Variants in CFAP77 observed in about 807,000 individuals in gnomAD.
CFAP77 encodes cilia and flagella associated protein 77, also known as cilia- and flagella-associated protein 77.
A neutral mutation model predicts 31.1 loss-of-function variants in CFAP77; 25 were observed. The observed-to-expected ratio is 0.80, with a 90% confidence interval of 0.59 to 1.12. The LOEUF is 1.12. CFAP77 is among the 50% of genes most tolerant of loss of function. CFAP77 has a pLI of 0.00. For missense variants in CFAP77, 377 were observed against 397.3 expected, an observed-to-expected ratio of 0.95 and a Z score of 0.44; for synonymous variants, 151 against 159.9, an observed-to-expected ratio of 0.94 and a Z score of 0.42.
chr9:132,519,620 T>TGGATGGG (rs1852225802), intron 3 of CFAP77, among the ~76,000 whole-genome samples: 54 of 24,934 alleles, frequency 2.2e-3, no homozygotes, highest in African/African-American at 8.8e-3. Context: ...GGATGGATGG[T>TGGATGGG]TGGGTGGGTA....
At chr9:132,506,019 T>C (rs1425279140) in intron 3 of CFAP77, among the ~76,000 whole-genome samples, 1 of 152,210 alleles carries the variant, frequency 6.6e-6, no homozygotes, top group Non-Finnish European at 1.5e-5. Flanking sequence ...ACAGGTATCA[T>C]TCTGCACACT....
chr9:132,513,677 C>T (rs1852082940), intron 3 of CFAP77, among the ~76,000 whole-genome samples: 1 of 152,194 alleles, frequency 6.6e-6, no homozygotes, highest in South Asian at 2.1e-4. Flanking sequence ...CTCTCTACTG[C>T]TAAGGTGTTT....
chr9:132,483,792 G>A (rs536032319), intron 1 of CFAP77, among the ~76,000 whole-genome samples: 3 of 152,220 alleles, frequency 2.0e-5, no homozygotes, highest in South Asian at 4.2e-4. Flanking sequence ...ACTGAGCCAC[G>A]TTTTCAAAGC....
At chr9:132,546,753 C>T (rs1554750210) in intron 5 of CFAP77, among the ~76,000 whole-genome samples, 1 of 152,242 alleles carries the variant, frequency 6.6e-6, no homozygotes, top group Non-Finnish European at 1.5e-5. Flanking sequence ...AGCAACTGCC[C>T]CTGGTGGCTG....
intron 3 of CFAP77, among the ~76,000 whole-genome samples, chr9:132,530,477 G>A (rs1852423242): frequency 6.6e-6 from 1 of 152,146 alleles, no homozygotes; most frequent in Non-Finnish European, 1.5e-5. Context: ...GTTTCACCAT[G>A]TTGGCCAGGC....
chr9:132,432,878 T>C (rs946924402), intron 1 of CFAP77, among the ~76,000 whole-genome samples: 1 of 139,624 alleles, frequency 7.2e-6, no homozygotes, highest in African/African-American at 2.7e-5. Flanking sequence ...CACGCCCAGC[T>C]AATTTTTTTT....
chr9:132,447,594 G>A (rs1244636636), intron 1 of CFAP77, among the ~76,000 whole-genome samples: 1 of 152,212 alleles, frequency 6.6e-6, no homozygotes, highest in Admixed American at 6.5e-5. Context: ...GGCTGCGGTC[G>A]GTCCGCGTAG....
Position 132,498,579 on chromosome 9 carries a change from G to C in CFAP77, c.196-116G>C, listed in dbSNP as rs1794072946. The stretch of plus-strand genomic sequence containing the variant: ...CACCCACTCCTGTGCCACCCTGAAG[G>C]CCACGGCAGGGCCTGGGGGAAATGC... On this transcript the variant is annotated intron_variant, in intron 1 of 5. Coordinates refer to ENST00000393216, the MANE Select transcript of CFAP77 (RefSeq NM_001282957.2). The surrounding 1 kb of genome is among the most constrained non-coding windows in gnomAD (Gnocchi z 4.2). 2.6e-6 allele frequency: 2 copies of C among 774,068 alleles called. No individual in the cohort carries two copies. The highest frequency in any genetic ancestry group is 3.4e-5 in the South Asian group (2 of 59,660). 47.9% of individuals were successfully genotyped at this position (774,068 alleles called of 1,614,324 possible). A position where few individuals can be genotyped will look rare whatever the true frequency, so the allele number is the denominator to read the frequency against.
At position 132,501,945 on chromosome 9, in the gene CFAP77, A is replaced by G. The variant is rs1229950209; in HGVS notation, c.524+2345A>G. Among the ~76,000 whole-genome samples the G allele has an allele frequency of 6.6e-6, 1 of 152,234 alleles. No homozygotes were observed. The highest frequency in any genetic ancestry group is 6.5e-5 in the Admixed American group (1 of 15,284). On this transcript the variant is annotated intron_variant, in intron 3 of 5. Transcript: ENST00000393216. This position sits in a 1 kb window ranked among gnomAD's most constrained non-coding sequence, Gnocchi z 4.6. ...GGAGGGGAATGGACATCAGGCAGGC[A>G]GTAGGACTTCCCAGCCCTTTCTACC...
chr9:132,433,660 G>T (rs1850452485), intron 1 of CFAP77, among the ~76,000 whole-genome samples: 2 of 151,546 alleles, frequency 1.3e-5, no homozygotes, highest in Non-Finnish European at 1.5e-5. Context: ...CAGTTCTTCT[G>T]CCTCAGCCTC....
At chr9:132,485,476 C>A (rs1456102235) in intron 1 of CFAP77, among the ~76,000 whole-genome samples, 2 of 152,152 alleles carry the variant, frequency 1.3e-5, no homozygotes, top group Non-Finnish European at 2.9e-5. Flanking sequence ...CCCAATCATG[C>A]GCCAAATGGT....
At chr9:132,429,480 G>C (rs1263329800) in intron 1 of CFAP77, among the ~76,000 whole-genome samples, 4 of 139,598 alleles carry the variant, frequency 2.9e-5, no homozygotes. Context: ...GGAGGTTGTA[G>C]TGAGCCAAGA....
chr9:132,490,970 GGT>G lies in CFAP77; in HGVS notation c.196-7720_196-7719del, dbSNP rs1344113130. On this transcript the variant is annotated intron_variant, in intron 1 of 5. Transcript: ENST00000393216. The surrounding 1 kb of genome is among the most constrained non-coding windows in gnomAD (Gnocchi z 4.6). ...CAGAGATGTGCACATTAGGTGAACT[GGT>G]GTGTCTAATGGTCCCAGTGTGAGTG... 6.6e-6 allele frequency among the ~76,000 whole-genome samples: 1 copy of G among 152,058 alleles called. No homozygotes were observed. Among genetic ancestry groups the G allele is most frequent in the Non-Finnish European group, 1.5e-5 (1 of 68,016 alleles).
intron 1 of CFAP77, among the ~76,000 whole-genome samples, chr9:132,464,041 C>T (rs72765887): frequency 0.062 from 9,420 of 152,252 alleles, 325 homozygotes; most frequent in Middle Eastern, 0.11. Flanking sequence ...TCCCTCATTC[C>T]GCATCACAAC....
Position 132,498,877 on chromosome 9 carries a change from C to G in CFAP77, c.295+83C>G. 2 of 997,116 alleles carry G rather than the reference C, an allele frequency of 2.0e-6. No homozygotes were observed. Among genetic ancestry groups the G allele is most frequent in the South Asian group, 3.0e-5 (2 of 67,082 alleles). The allele number at this position is 997,116 out of a possible 1,614,324, so 61.8% of individuals were successfully genotyped here. A position where few individuals can be genotyped will look rare whatever the true frequency, so the allele number is the denominator to read the frequency against. ...TTCACAGACCCCTTGACCTAGCTCGCTGCTTGGCAGCTGGTTGGGTGCTGG... is the reference window on the plus strand; with the variant it reads ...TTCACAGACCCCTTGACCTAGCTCGGTGCTTGGCAGCTGGTTGGGTGCTGG... On this transcript the variant is annotated intron_variant, in intron 2 of 5. Transcript: ENST00000393216. The surrounding 1 kb of genome is among the most constrained non-coding windows in gnomAD (Gnocchi z 4.2).
chr9:132,419,231 G>C (rs1850165534), intron 1 of CFAP77, among the ~76,000 whole-genome samples: 3 of 152,170 alleles, frequency 2.0e-5, no homozygotes, highest in Non-Finnish European at 2.9e-5. Flanking sequence ...AAGCATACAA[G>C]ATAAATTTCT....
chr9:132,524,990 A>G (rs1273493079), intron 3 of CFAP77, among the ~76,000 whole-genome samples: 1 of 143,472 alleles, frequency 7.0e-6, no homozygotes, highest in Non-Finnish European at 1.5e-5. Flanking sequence ...TTTTGGCCCT[A>G]TACTCTTCGA....
At chr9:132,537,813 G>A in intron 4 of CFAP77, 107 bp downstream of exon 4, 1 of 776,814 alleles carries the variant, frequency 1.3e-6, no homozygotes, top group Non-Finnish European at 2.1e-6. Context: ...TTGTCATTGG[G>A]GATGAGTGGG....
At chr9:132,441,794 G>T (rs772732435) in intron 1 of CFAP77, among the ~76,000 whole-genome samples, 2 of 152,200 alleles carry the variant, frequency 1.3e-5, no homozygotes, top group Non-Finnish European at 2.9e-5. Context: ...GGTCAGGCAC[G>T]CCTGAGCTCC....
Sources: allele counts gnomAD v4.1 joint callset (sites outside exome capture counted in the v4.1 genomes callset), GRCh38; gene constraint gnomAD v4.1.1; non-coding constraint Gnocchi (gnomAD v3.1); transcripts MANE v1.5; gene names NCBI Gene and HGNC (gene_info 2026-07-23, HGNC 2026-07-21).